CTNNA2: variants seen among roughly 807,000 people sequenced by gnomAD.
The protein encoded by CTNNA2 is catenin alpha 2.
In CTNNA2, 42 loss-of-function variants were observed where a neutral mutation model predicts 101.0. That is an observed-to-expected ratio of 0.42 (90% CI 0.32 to 0.54). The LOEUF (loss-of-function observed/expected upper bound fraction) is 0.54, where lower values mean the gene tolerates loss of function less well. CTNNA2 is among the 20% of genes least tolerant of loss of function. The pLI, the probability that CTNNA2 is intolerant of heterozygous loss-of-function variation, is 0.14. For synonymous variants in CTNNA2, 450 were observed against 456.4 expected, an observed-to-expected ratio of 0.99 and a Z score of 0.18; for missense variants, 871 against 1,223.1, an observed-to-expected ratio of 0.71 and a Z score of 4.29.
intron 12 of CTNNA2, among the ~76,000 whole-genome samples, chr2:80,571,558 A>G (rs1443635257): frequency 6.7e-6 from 1 of 149,086 alleles, no homozygotes; most frequent in Non-Finnish European, 1.5e-5. Context: ...ATGTAAGAAC[A>G]TGTACAAATG....
intron 3 of CTNNA2, among the ~76,000 whole-genome samples, chr2:79,326,893 T>C (rs1188783195): frequency 1.3e-5 from 2 of 152,068 alleles, no homozygotes; most frequent in Non-Finnish European, 2.9e-5. Flanking sequence ...AATTGAGGGG[T>C]CTCCTAACCA....
At chr2:79,429,047 A>C (rs540620377) in intron 4 of CTNNA2, among the ~76,000 whole-genome samples, 22 of 152,278 alleles carry the variant, frequency 1.4e-4, no homozygotes, top group Admixed American at 2.6e-4. Context: ...TCATTGTTGC[A>C]GGCTACATTT....
In CTNNA2 at chr2:79,412,393, A is replaced by G. The variant is rs532012892; in HGVS notation, c.-135+38380A>G. Among the ~76,000 whole-genome samples, 26 of 152,162 alleles carry G rather than the reference A, an allele frequency of 1.7e-4. No individual in the cohort carries two copies. The East Asian group carries it at 5.0e-3, about 30-fold the overall frequency. On this transcript the variant is annotated intron_variant, in intron 4 of 21. Transcript: ENST00000466387. ...TTGAACTCAGCTCTGCACCAAGCAG[A>G]CCTAATAGACATCTACAGAACTCTC...
intron 4 of CTNNA2, among the ~76,000 whole-genome samples, chr2:79,431,880 A>G (rs1293832654): frequency 1.3e-5 from 2 of 152,208 alleles, no homozygotes; most frequent in Non-Finnish European, 2.9e-5. Flanking sequence ...CTTTCCTCAC[A>G]TACTCAATAT....
intron 2 of CTNNA2, among the ~76,000 whole-genome samples, chr2:79,688,786 A>G (rs1268194946): frequency 2.0e-5 from 3 of 152,102 alleles, no homozygotes; most frequent in African/African-American, 7.2e-5. Context: ...CTGGAGGGAC[A>G]GAAATTGAAG....
chr2:80,267,162 A>G (rs1310192784), intron 7 of CTNNA2, among the ~76,000 whole-genome samples: 1 of 151,958 alleles, frequency 6.6e-6, no homozygotes, highest in African/African-American at 2.4e-5. Context: ...GCTCCTTCCG[A>G]TGGCTTCCTC....
chr2:80,239,589 A>T (rs951121289), intron 7 of CTNNA2, among the ~76,000 whole-genome samples: 9 of 152,178 alleles, frequency 5.9e-5, no homozygotes, highest in African/African-American at 2.2e-4. Context: ...GGTACAGTAA[A>T]AGATGAACAA....
chr2:80,226,220 C>G (rs1186388762), intron 7 of CTNNA2, among the ~76,000 whole-genome samples: 1 of 152,056 alleles, frequency 6.6e-6, no homozygotes, highest in Non-Finnish European at 1.5e-5. Flanking sequence ...TACAGTTGGT[C>G]TCTCTTAATA....
At chr2:79,541,418 G>GCACA (rs140370503) in intron 1 of CTNNA2, among the ~76,000 whole-genome samples, 12 of 48,304 alleles carry the variant, frequency 2.5e-4, no homozygotes, top group African/African-American at 7.5e-4. Flanking sequence ...ATACACACAC[G>GCACA]CACACACACA....
At chr2:79,922,065 A>G (rs1686695823) in intron 7 of CTNNA2, among the ~76,000 whole-genome samples, 1 of 152,200 alleles carries the variant, frequency 6.6e-6, no homozygotes, top group Non-Finnish European at 1.5e-5. Context: ...ATTGAGAATT[A>G]TCTGACGTAA....
intron 7 of CTNNA2, among the ~76,000 whole-genome samples, chr2:80,193,726 T>C (rs759615332): frequency 6.6e-6 from 1 of 152,198 alleles, no homozygotes; most frequent in Non-Finnish European, 1.5e-5. Flanking sequence ...TAACATTCCT[T>C]AGAGCTCCAG....
At chr2:79,286,096 C>T (rs1466865074) in intron 2 of CTNNA2, among the ~76,000 whole-genome samples, 5 of 151,050 alleles carry the variant, frequency 3.3e-5, no homozygotes. Context: ...TTTTTGTTTT[C>T]CATTTGCTTG....
chr2:80,645,002 G>A (rs1673910780), intron 18 of CTNNA2, among the ~76,000 whole-genome samples: 1 of 152,084 alleles, frequency 6.6e-6, no homozygotes, highest in Non-Finnish European at 1.5e-5. Context: ...AAATTTACTT[G>A]TAATCCCTTC....
chr2:79,232,298 T>C (rs1277911635), intron 2 of CTNNA2, among the ~76,000 whole-genome samples: 1 of 152,184 alleles, frequency 6.6e-6, no homozygotes, highest in Admixed American at 6.5e-5. Flanking sequence ...ACTTTTTTTT[T>C]CCATCTATTG....
At chr2:79,232,830 G>A (rs1485553104) in intron 2 of CTNNA2, among the ~76,000 whole-genome samples, 1 of 152,084 alleles carries the variant, frequency 6.6e-6, no homozygotes, top group Non-Finnish European at 1.5e-5. Context: ...ATGCGTGGAG[G>A]TGTTCATAAA....
intron 7 of CTNNA2, among the ~76,000 whole-genome samples, chr2:80,186,657 G>A (rs757353013): frequency 2.0e-5 from 3 of 152,096 alleles, no homozygotes; most frequent in Non-Finnish European, 4.4e-5. Context: ...ATTTCCAGTG[G>A]GGAGGCCTGG....
At chr2:80,102,549 A>G (rs562694546) in intron 7 of CTNNA2, among the ~76,000 whole-genome samples, 8 of 152,204 alleles carry the variant, frequency 5.3e-5, no homozygotes, top group African/African-American at 9.6e-5. Flanking sequence ...TTCTTGCTCT[A>G]TTACCCAGGC....
chr2:80,404,151 T>G (rs1245548422), intron 8 of CTNNA2, among the ~76,000 whole-genome samples: 1 of 152,174 alleles, frequency 6.6e-6, no homozygotes, highest in Non-Finnish European at 1.5e-5. Context: ...GTCCAGGAAT[T>G]TATCCATTTC....
intron 9 of CTNNA2, among the ~76,000 whole-genome samples, chr2:80,498,181 TC>T (rs1431395750): frequency 6.6e-6 from 1 of 152,186 alleles, no homozygotes; most frequent in African/African-American, 2.4e-5. Flanking sequence ...TTGTTTTTGT[TC>T]AAGTAACTCA....
Sources: gnomAD v4.1 joint callset for allele counts (sites outside exome capture counted in the v4.1 genomes callset) on GRCh38, gnomAD v4.1.1 for gene constraint, MANE v1.5 for transcripts, NCBI Gene and HGNC (gene_info 2026-07-23, HGNC 2026-07-21) for gene names.